Variants in CRISP2 observed in about 807,000 individuals in gnomAD.
CRISP2 encodes the protein cysteine rich secretory protein 2.
Under a neutral mutation model 31.7 loss-of-function variants are expected in CRISP2, and 29 were observed. The ratio of observed to expected loss-of-function variants is 0.92; its 90% CI spans 0.68 to 1.25. The LOEUF (loss-of-function observed/expected upper bound fraction) is 1.25. CRISP2 is among the 50% of genes most tolerant of loss of function. The pLI is 0.00. For missense variants in CRISP2, 318 were observed against 286.5 expected (o/e 1.11, Z -0.79); for synonymous variants, 111 against 101.4 (o/e 1.09, Z -0.57).
chr6:49,682,505 GTTCCTCCTC>G, the CRISP2 span, among the ~76,000 whole-genome samples: 2 of 102,162 alleles, frequency 2.0e-5, no homozygotes, highest in Non-Finnish European at 1.8e-5. Flanking sequence ...TATTCCTCCT[GTTCCTCCTC>G]TTCCTCCTTC....
downstream of CRISP2, among the ~76,000 whole-genome samples, chr6:49,688,814 TG>T (rs1290928147): frequency 6.6e-6 from 1 of 152,188 alleles, no homozygotes; most frequent in East Asian, 1.9e-4. Context: ...CTTTATAGTT[TG>T]CTCTGAGTAA....
At chr6:49,680,359 C>A in the CRISP2 span, among the ~76,000 whole-genome samples, 1 of 152,184 alleles carries the variant, frequency 6.6e-6, no homozygotes, top group South Asian at 2.1e-4. Context: ...GCATAATATT[C>A]TATGGTGTAT....
intron 3 of CRISP2, among the ~76,000 whole-genome samples, chr6:49,710,536 T>A (rs538710846): frequency 6.6e-6 from 1 of 152,330 alleles, no homozygotes; most frequent in African/African-American, 2.4e-5. Context: ...AATAATTCCC[T>A]TATTAATACA....
chr6:49,694,912 T>C lies in CRISP2; in HGVS notation c.604+924A>G, dbSNP rs151135424. On this transcript the variant is annotated intron_variant, in intron 9 of 9. Coordinates refer to ENST00000339139, the MANE Select transcript of CRISP2 (RefSeq NM_003296.4). Reference sequence around the variant, plus strand: ...CCACACCTGGCTCATTTTTGTATTTTTAGTAGAGATGCAGTTTCACCGTAT... The same window carrying C: ...CCACACCTGGCTCATTTTTGTATTTCTAGTAGAGATGCAGTTTCACCGTAT... Among the ~76,000 whole-genome samples the C allele has an allele frequency of 2.5e-3, 381 of 152,058 alleles. 5 individuals are homozygous for C. The highest frequency in any genetic ancestry group is 8.5e-3 in the African/African-American group (354 of 41,490).
At chr6:49,685,141 C>T in the CRISP2 span, among the ~76,000 whole-genome samples, 1 of 152,160 alleles carries the variant, frequency 6.6e-6, no homozygotes, top group African/African-American at 2.4e-5. Flanking sequence ...TGCCACTGGC[C>T]ACCAATGCTG....
the CRISP2 span, among the ~76,000 whole-genome samples, chr6:49,682,418 T>C: frequency 6.6e-6 from 1 of 152,032 alleles, no homozygotes; most frequent in South Asian, 2.1e-4. Context: ...ACTCTAGTTA[T>C]CTATTTATTT....
chr6:49,709,164 A>T lies in CRISP2; in HGVS notation c.33T>A (p.Thr11=), dbSNP rs1349745383. The T allele has an allele frequency of 6.2e-7, 1 of 1,613,756 alleles. No individual in the cohort carries two copies. Among genetic ancestry groups the T allele is most frequent in the Non-Finnish European group, 8.5e-7 (1 of 1,179,946 alleles). MALLPVLFLV[T]VLLPSLPAEG... ...CTGCAGGTAAAGATGGAAGCAGCAC[A>T]GTAACCAGAAACAACACCGGTAGTA... Residue 11 remains threonine (T), a synonymous_variant, in exon 4 of 10, where the codon ACT becomes ACA. Coordinates refer to ENST00000339139, the MANE Select transcript of CRISP2 (RefSeq NM_003296.4).
At chr6:49,707,629 T>C (rs1259187958) in intron 4 of CRISP2, among the ~76,000 whole-genome samples, 1 of 152,198 alleles carries the variant, frequency 6.6e-6, no homozygotes, top group Non-Finnish European at 1.5e-5. Context: ...ATGAATGAAT[T>C]ATCTGCACAT....
intron 4 of CRISP2, among the ~76,000 whole-genome samples, chr6:49,704,264 A>G (rs1402208738): frequency 6.6e-6 from 1 of 151,960 alleles, no homozygotes; most frequent in Non-Finnish European, 1.5e-5. Flanking sequence ...TACTTGTATT[A>G]CTTTTTAAAT....
Position 49,701,523 on chromosome 6 carries a change from TATACACAC to T in CRISP2, c.67-747_67-740del, listed in dbSNP as rs1262160525. On this transcript the variant is annotated intron_variant, in intron 4 of 9. Transcript: ENST00000339139. The stretch of plus-strand genomic sequence containing the variant: ...GTGTATATATATATATATATATATA[TATACACAC>T]ACACACACACACAGTATATATATAT... 4.8e-3 allele frequency among the ~76,000 whole-genome samples: 509 copies of T among 105,812 alleles called. 35 individuals are homozygous for T. Among genetic ancestry groups the T allele is most frequent in the African/African-American group, 0.019 (491 of 25,846 alleles). The allele number at this position is 105,812 out of a possible 152,430, so 69.4% of individuals were successfully genotyped here.
At chr6:49,677,369 G>C in the CRISP2 span, among the ~76,000 whole-genome samples, 1 of 152,090 alleles carries the variant, frequency 6.6e-6, no homozygotes, top group African/African-American at 2.4e-5. Flanking sequence ...GTGAGAACAT[G>C]GCATTCAACT....
chr6:49,700,994 T>A (rs895134393), intron 4 of CRISP2, among the ~76,000 whole-genome samples: 2 of 152,126 alleles, frequency 1.3e-5, no homozygotes, highest in African/African-American at 4.8e-5. Flanking sequence ...ATATAACTTT[T>A]AAATAGTAAA....
intron 4 of CRISP2, among the ~76,000 whole-genome samples, chr6:49,706,107 G>A (rs892226914): frequency 3.3e-5 from 5 of 152,106 alleles, no homozygotes; most frequent in Non-Finnish European, 7.4e-5. Context: ...ATAGACATAT[G>A]AATAATAATA....
chr6:49,707,474 T>C (rs1039048713), intron 4 of CRISP2, among the ~76,000 whole-genome samples: 1 of 152,136 alleles, frequency 6.6e-6, no homozygotes. Context: ...AAAGACAAAA[T>C]GACATCTCAC....
intron 8 of CRISP2, 69 bp downstream of exon 8, chr6:49,697,791 A>T (rs1200293752): frequency 6.2e-7 from 1 of 1,604,782 alleles, no homozygotes. Flanking sequence ...CTGGTTTAAG[A>T]TATGAGAATT....
chr6:49,701,970 A>T (rs371834227), intron 4 of CRISP2, among the ~76,000 whole-genome samples: 1 of 1,298 alleles, frequency 7.7e-4, no homozygotes. Flanking sequence ...ATTATACATA[A>T]TATATAATAT....
intron 4 of CRISP2, among the ~76,000 whole-genome samples, chr6:49,707,554 G>A (rs759721073): frequency 5.3e-5 from 8 of 152,288 alleles, no homozygotes; most frequent in Middle Eastern, 3.4e-3. Flanking sequence ...AAACAGGTAT[G>A]AAAGAAAATC....
chr6:49,699,544 A>C (rs1416483702), intron 6 of CRISP2, among the ~76,000 whole-genome samples: 1 of 152,072 alleles, frequency 6.6e-6, no homozygotes, highest in Non-Finnish European at 1.5e-5. Context: ...TTAAACTTAC[A>C]AAAAGAAAGA....
chr6:49,682,694 TTC>T, the CRISP2 span, among the ~76,000 whole-genome samples: 1 of 149,950 alleles, frequency 6.7e-6, no homozygotes, highest in Non-Finnish European at 1.5e-5. Context: ...CTCTTTCTCT[TTC>T]TTTTTCTTTT....
Sources: gnomAD v4.1 joint callset for allele counts (sites outside exome capture counted in the v4.1 genomes callset) on GRCh38, gnomAD v4.1.1 for gene constraint, MANE v1.5 for transcripts, NCBI Gene and HGNC (gene_info 2026-07-23, HGNC 2026-07-21) for gene names.